Variants in GABRG3 observed in about 807,000 individuals in gnomAD.
GABRG3 encodes the protein gamma-aminobutyric acid receptor subunit gamma-3.
GABRG3 carries 25 observed loss-of-function variants against 48.8 expected under a neutral mutation model. The ratio of observed to expected loss-of-function variants is 0.51; its 90% CI spans 0.37 to 0.72. The LOEUF is 0.72. Among genes scored for constraint, GABRG3 ranks in the 30% least tolerant of loss-of-function variants. The pLI, the probability that GABRG3 is intolerant of heterozygous loss-of-function variation, is 0.00. For synonymous variants in GABRG3, 227 were observed against 217.6 expected, an observed-to-expected ratio of 1.04 and a Z score of -0.38; for missense variants, 394 against 577.9, an observed-to-expected ratio of 0.68 and a Z score of 3.26.
intron 3 of GABRG3, among the ~76,000 whole-genome samples, chr15:27,098,293 G>T (rs765865620): frequency 2.6e-5 from 4 of 152,056 alleles, no homozygotes; most frequent in Non-Finnish European, 4.4e-5. Flanking sequence ...AAATAGCCAG[G>T]CGTGGTGGCA....
At chr15:27,482,652 A>C (rs200094319) in intron 6 of GABRG3, among the ~76,000 whole-genome samples, 1 of 151,798 alleles carries the variant, frequency 6.6e-6, no homozygotes, top group East Asian at 1.9e-4. Flanking sequence ...TTTTCCAAGA[A>C]TAAAGCATTT....
chr15:27,219,462 T>A (rs1213739632), intron 3 of GABRG3, among the ~76,000 whole-genome samples: 2 of 152,212 alleles, frequency 1.3e-5, no homozygotes, highest in Non-Finnish European at 2.9e-5. Context: ...GGTCTGCCTC[T>A]TTCCACCCCA....
chr15:27,003,883 G>A (rs1319493062), intron 2 of GABRG3, among the ~76,000 whole-genome samples: 1 of 149,822 alleles, frequency 6.7e-6, no homozygotes, highest in Non-Finnish European at 1.5e-5. Context: ...CCCAGACGGG[G>A]CGGCTGGCCG....
intron 2 of GABRG3, among the ~76,000 whole-genome samples, chr15:26,977,673 G>C (rs1261740712): frequency 3.9e-5 from 6 of 152,090 alleles, no homozygotes. Flanking sequence ...TTTTACTGCT[G>C]AATGGTTGTT....
chr15:27,303,139 A>G (rs950282534), intron 3 of GABRG3, among the ~76,000 whole-genome samples: 1 of 151,850 alleles, frequency 6.6e-6, no homozygotes, highest in Admixed American at 6.6e-5. Flanking sequence ...AATCAATGAA[A>G]TTGAAAACCA....
In GABRG3 at chr15:27,014,510, A is replaced by G. The variant is rs578061245; in HGVS notation, c.203-12244A>G. Among the ~76,000 whole-genome samples the G allele has an allele frequency of 2.6e-4, 39 of 151,898 alleles. No homozygotes were observed. In the South Asian group the frequency reaches 4.1e-3, roughly 16 times the overall value. Reference sequence around the variant, plus strand: ...TTGTGTTTTCTTTATTTGTCTCCATATATTTTCTAAGTTCCCTTGTGATTT... The same window carrying G: ...TTGTGTTTTCTTTATTTGTCTCCATGTATTTTCTAAGTTCCCTTGTGATTT... On this transcript the variant is annotated intron_variant, in intron 2 of 9. Coordinates refer to ENST00000615808, the MANE Select transcript of GABRG3 (RefSeq NM_033223.5).
At chr15:27,094,434 G>A (rs991280530) in intron 3 of GABRG3, among the ~76,000 whole-genome samples, 4 of 152,182 alleles carry the variant, frequency 2.6e-5, no homozygotes, top group Non-Finnish European at 5.9e-5. Context: ...AGAAAACAGT[G>A]TCTCCCAGTC....
At chr15:26,989,365 G>C (rs1895207010) in intron 2 of GABRG3, among the ~76,000 whole-genome samples, 1 of 152,108 alleles carries the variant, frequency 6.6e-6, no homozygotes, top group Non-Finnish European at 1.5e-5. Flanking sequence ...TCTAAATAAT[G>C]ATGCTATGAA....
At chr15:27,064,947 A>T (rs1006034258) in intron 3 of GABRG3, among the ~76,000 whole-genome samples, 6 of 152,196 alleles carry the variant, frequency 3.9e-5, no homozygotes, top group Non-Finnish European at 7.3e-5. Context: ...TTAATATACA[A>T]TTGAGACACT....
chr15:27,145,599 CTATCTCTA>C (rs1257050071), intron 3 of GABRG3, among the ~76,000 whole-genome samples: 1 of 70,628 alleles, frequency 1.4e-5, no homozygotes, highest in Non-Finnish European at 3.5e-5. Flanking sequence ...ATACATATAT[CTATCTCTA>C]TCTATCTATC....
At chr15:27,124,601 C>T (rs1595537791) in intron 3 of GABRG3, among the ~76,000 whole-genome samples, 2 of 152,218 alleles carry the variant, frequency 1.3e-5, no homozygotes, top group Non-Finnish European at 2.9e-5. Flanking sequence ...TTAATCATCA[C>T]GGCTTCCTGG....
chr15:27,028,987 C>T (rs1372978369), intron 3 of GABRG3, among the ~76,000 whole-genome samples: 2 of 152,182 alleles, frequency 1.3e-5, no homozygotes, highest in Admixed American at 6.5e-5. Context: ...AAGCCCTGGG[C>T]CCTGGAGAAG....
chr15:27,307,737 T>A lies in GABRG3; in HGVS notation c.271-19072T>A, dbSNP rs180766578. ...TATAGGTTTATATATAAATATATAA[T>A]CATAGGTTTATATATAAACATATAA... On this transcript the variant is annotated intron_variant, in intron 3 of 9. Coordinates refer to ENST00000615808, the MANE Select transcript of GABRG3 (RefSeq NM_033223.5). Among the ~76,000 whole-genome samples the A allele has an allele frequency of 1.1e-4, 14 of 129,662 alleles. 1 individual carries two copies. The East Asian group carries it at 1.3e-3, about 12-fold the overall frequency. 85.1% of individuals were successfully genotyped at this position (129,662 alleles called of 152,430 possible).
intron 3 of GABRG3, among the ~76,000 whole-genome samples, chr15:27,281,748 G>T: frequency 6.6e-6 from 1 of 151,470 alleles, no homozygotes; most frequent in East Asian, 1.9e-4. Context: ...GGGTAATACA[G>T]CAGACAATAT....
Position 27,448,056 on chromosome 15 carries a change from G to C in GABRG3, c.575-32594G>C, listed in dbSNP as rs141487821. Reference sequence around the variant, plus strand: ...AAACAAAGCTAGGTCTCTGGTAACAGAGAAAGATAGAGGAACTTACATTTG... The same window carrying C: ...AAACAAAGCTAGGTCTCTGGTAACACAGAAAGATAGAGGAACTTACATTTG... On this transcript the variant is annotated intron_variant, in intron 5 of 9. Coordinates refer to ENST00000615808, the MANE Select transcript of GABRG3 (RefSeq NM_033223.5). Among the ~76,000 whole-genome samples, 424 of 152,128 alleles carry C rather than the reference G, an allele frequency of 2.8e-3. 1 individual carries two copies. The highest frequency in any genetic ancestry group is 9.6e-3 in the African/African-American group (397 of 41,542).
intron 3 of GABRG3, among the ~76,000 whole-genome samples, chr15:27,076,480 C>T (rs1247922436): frequency 6.6e-6 from 1 of 151,978 alleles, no homozygotes. Context: ...TGCAGCACCA[C>T]GCCCATCTAA....
intron 3 of GABRG3, among the ~76,000 whole-genome samples, chr15:27,295,574 A>G (rs941014511): frequency 1.3e-5 from 2 of 152,212 alleles, no homozygotes; most frequent in Non-Finnish European, 2.9e-5. Flanking sequence ...CACCATGGGT[A>G]GCCAGGCAGT....
chr15:27,333,324 G>A (rs545531679), intron 5 of GABRG3, among the ~76,000 whole-genome samples: 1 of 152,220 alleles, frequency 6.6e-6, no homozygotes, highest in East Asian at 1.9e-4. Context: ...TCAAGGTGTG[G>A]GCAGGGCACC....
chr15:27,216,744 T>TA lies in GABRG3; in HGVS notation c.271-110065_271-110064insA, dbSNP rs1485237569. 9.2e-3 allele frequency among the ~76,000 whole-genome samples: 1,279 copies of TA among 138,562 alleles called. 8 individuals carry two copies. The highest frequency in any genetic ancestry group is 0.012 in the East Asian group (55 of 4,598). The allele number at this position is 138,562 out of a possible 152,430, so 90.9% of individuals were successfully genotyped here. A position where few individuals can be genotyped will look rare whatever the true frequency, so the allele number is the denominator to read the frequency against. ...TGACCAATTCATTTCTTTTTTTTTT[T>TA]TTATTTTTTATTTATTTATTTATTT... On this transcript the variant is annotated intron_variant, in intron 3 of 9. Transcript: ENST00000615808.
Sources: allele counts gnomAD v4.1 joint callset (sites outside exome capture counted in the v4.1 genomes callset), GRCh38; gene constraint gnomAD v4.1.1; transcripts MANE v1.5; gene names NCBI Gene and HGNC (gene_info 2026-07-23, HGNC 2026-07-21).